The following MOCS1 variants were observed in gnomAD, a reference collection of about 807,000 sequenced individuals.
The protein encoded by MOCS1 is molybdenum cofactor biosynthesis protein 1.
A neutral mutation model predicts 57.6 loss-of-function variants in MOCS1; 39 were observed. That is an observed-to-expected ratio of 0.68 (90% CI 0.52 to 0.88). The LOEUF is 0.88. Among genes scored for constraint, MOCS1 ranks in the 40% least tolerant of loss-of-function variants. The pLI is 0.00. For synonymous variants in MOCS1, 334 were observed against 335.7 expected, an observed-to-expected ratio of 1.00 and a Z score of 0.05; for missense variants, 795 against 831.1, an observed-to-expected ratio of 0.96 and a Z score of 0.53.
chr6:39,931,399 T>C (rs1163589120), intron 1 of MOCS1, among the ~76,000 whole-genome samples: 1 of 149,960 alleles, frequency 6.7e-6, no homozygotes, highest in East Asian at 2.0e-4. Flanking sequence ...CTAAGTATCG[T>C]GGCCCTGATT....
In MOCS1 at chr6:39,906,365, G is replaced by A. The variant is rs765994374; in HGVS notation, c.1903C>T (p.Arg635Trp). The A allele has an allele frequency of 8.3e-5, 133 of 1,595,792 alleles. No homozygotes were observed. In the South Asian group the frequency reaches 1.1e-3, roughly 13 times the overall value. ...GGTGAGAAGGGCAGGTGCTAAGCCC[G>A]ATGGAAGTCCCCCCGCTGACCACCA... ...KTGGQRGDFH[R>W]A The change falls in exon 11 of 11, where the codon CGG becomes TGG. Residue 635 changes from arginine (R) to tryptophan (W), a missense_variant. Physicochemically the swap from Arg to Trp is moderately radical, Grantham distance 101 (BLOSUM62 -3). Coordinates refer to ENST00000340692, the MANE Select transcript of MOCS1 (RefSeq NM_001358530.2).
intron 8 of MOCS1, 139 bp from the exon 9 acceptor site, chr6:39,910,094 G>A: frequency 7.7e-7 from 1 of 1,299,146 alleles, no homozygotes. Flanking sequence ...GCCCCTAGCA[G>A]TGAGAGACAG....
intron 6 of MOCS1, 103 bp downstream of exon 6, chr6:39,913,214 C>T: frequency 9.6e-7 from 1 of 1,043,850 alleles, no homozygotes; most frequent in Non-Finnish European, 1.5e-6. Context: ...TAATCCTAGA[C>T]TCACTGCCCC....
At chr6:39,918,196 T>G (rs1208007668) in intron 3 of MOCS1, among the ~76,000 whole-genome samples, 6 of 152,222 alleles carry the variant, frequency 3.9e-5, no homozygotes, top group Admixed American at 3.9e-4. Context: ...GACTACACCC[T>G]TCCAGCCACC....
At chr6:39,912,460 C>T in intron 7 of MOCS1, 86 bp from the exon 8 acceptor site, 1 of 955,052 alleles carries the variant, frequency 1.0e-6, no homozygotes, top group Non-Finnish European at 1.7e-6. Flanking sequence ...TCAGAACCTC[C>T]ACTCCTCAAC....
In MOCS1 at chr6:39,907,119, T is replaced by C. The variant is rs2149396813; in HGVS notation, c.1151-2A>G. 3 of 1,608,092 alleles carry C rather than the reference T, an allele frequency of 1.9e-6. No homozygotes were observed. The highest frequency in any genetic ancestry group is 2.5e-6 in the Non-Finnish European group (3 of 1,177,976). ...AATTGGGGAACATCAAAAATAACTC[T>C]GCAAGGCAAGAAGAAAAGAGAAGAA... On this transcript the variant is annotated splice_acceptor_variant, in intron 10 of 10. Transcript: ENST00000340692. LOFTEE classifies it high-confidence loss of function.
intron 2 of MOCS1, 91 bp downstream of exon 2, chr6:39,927,238 G>A: frequency 6.7e-7 from 1 of 1,503,596 alleles, no homozygotes; most frequent in Non-Finnish European, 9.2e-7. Context: ...AGAACTGGAG[G>A]ACACAGGAGG....
Position 39,913,333 on chromosome 6 carries a change from C to T in MOCS1, c.741G>A (p.Glu247=). The T allele has an allele frequency of 6.2e-7, 1 of 1,614,178 alleles. No individual in the cohort carries two copies. The highest frequency in any genetic ancestry group is 8.5e-7 in the Non-Finnish European group (1 of 1,180,000). The stretch of plus-strand genomic sequence containing the variant: ...GTCACTGACCATCAAAGGGCATATA[C>T]TCTATGAAGCGCACATCCAGGGGGA... ...EGLPLDVRFI[E]YMPFDGNKWN... The change falls in exon 6 of 11, where the codon GAG becomes GAA. Residue 247 remains glutamate (E), a synonymous_variant. Coordinates refer to ENST00000340692, the MANE Select transcript of MOCS1 (RefSeq NM_001358530.2).
At chr6:39,914,017 G>A (rs575884422) in intron 4 of MOCS1, among the ~76,000 whole-genome samples, 182 bp from the exon 5 acceptor site, 42 of 152,356 alleles carry the variant, frequency 2.8e-4, no homozygotes, top group Non-Finnish European at 1.5e-5. Flanking sequence ...GTAAGTACAT[G>A]TCACAAAGTG....
rs766581554 is a variant in MOCS1 at position 39,934,408 on chromosome 6, G to A, written c.10C>T (p.Arg4Trp). The A allele has an allele frequency of 7.7e-6, 12 of 1,566,078 alleles. No homozygotes were observed. The highest frequency in any genetic ancestry group is 3.5e-5 in the South Asian group (3 of 86,016). ...CGCCGCAGCATCCGGGACAGTGGCCGCGCCGCCATGAAGCCTGATACGAGC... is the reference window on the plus strand; with the variant it reads ...CGCCGCAGCATCCGGGACAGTGGCCACGCCGCCATGAAGCCTGATACGAGC... MAARPLSRMLRRLL... is the reference protein window; with the variant it reads MAAWPLSRMLRRLL... The change falls in exon 1 of 11, where the codon CGG becomes TGG. Residue 4 changes from arginine to tryptophan, a missense_variant. Arg to Trp is a moderately radical substitution (Grantham distance 101). Coordinates refer to ENST00000340692, the MANE Select transcript of MOCS1 (RefSeq NM_001358530.2).
At chr6:39,921,346 C>T (rs1767958033) in intron 3 of MOCS1, among the ~76,000 whole-genome samples, 1 of 151,670 alleles carries the variant, frequency 6.6e-6, no homozygotes, top group South Asian at 2.1e-4. Context: ...TTGCAGTCAG[C>T]TCAGATCGCA....
At chr6:39,913,207 T>A in intron 6 of MOCS1, 110 bp downstream of exon 6, 1 of 1,011,242 alleles carries the variant, frequency 9.9e-7, no homozygotes, top group Non-Finnish European at 1.6e-6. Flanking sequence ...CCCATCATAA[T>A]CCTAGACTCA....
At chr6:39,917,011 C>T (rs773968178) in intron 3 of MOCS1, among the ~76,000 whole-genome samples, 17 of 152,168 alleles carry the variant, frequency 1.1e-4, no homozygotes, top group African/African-American at 4.1e-4. Flanking sequence ...ACAGGTTGGC[C>T]TCATCCTTCC....
rs534018361 is a variant in MOCS1, at chr6:39,930,735, G to A, written c.124-3280C>T. 6.4e-4 allele frequency among the ~76,000 whole-genome samples: 98 copies of A among 152,290 alleles called. 1 individual carries two copies. Among genetic ancestry groups the A allele is most frequent in the Middle Eastern group, 3.4e-3 (1 of 294 alleles). On this transcript the variant is annotated intron_variant, in intron 1 of 10. Coordinates refer to ENST00000340692, the MANE Select transcript of MOCS1 (RefSeq NM_001358530.2). ...GCCAGGGCTGAGAACCATCGGCCTA[G>A]TGACACCAAGTGCCAGGTGCTATTT...
intron 9 of MOCS1, 99 bp downstream of exon 9, chr6:39,909,736 T>C: frequency 6.5e-7 from 1 of 1,535,184 alleles, no homozygotes; most frequent in Non-Finnish European, 8.9e-7. Context: ...AGCTTCCCCC[T>C]AGGTGTTCCT....
intron 1 of MOCS1, 94 bp from the exon 2 acceptor site, chr6:39,927,549 A>T: frequency 6.2e-7 from 1 of 1,611,144 alleles, no homozygotes. Flanking sequence ...TTACTCTGAC[A>T]TCTGTGCGGA....
At chr6:39,931,637 G>A (rs985304648) in intron 1 of MOCS1, among the ~76,000 whole-genome samples, 7 of 151,684 alleles carry the variant, frequency 4.6e-5, no homozygotes, top group Non-Finnish European at 1.0e-4. Context: ...ATGACCTCCT[G>A]AAAGCCCTCT....
In MOCS1 at chr6:39,910,048, G is replaced by A. The variant is rs568869693; in HGVS notation, c.982-93C>T. ...TAACTCCTTCCCTGGTTCTCCCTCC[G>A]GGAGGAGCACCAGGGCCCAGGCCTC... On this transcript the variant is annotated intron_variant, in intron 8 of 10. Transcript: ENST00000340692. The A allele has an allele frequency of 6.3e-5, 99 of 1,583,046 alleles. No homozygotes were observed. In the South Asian group the frequency reaches 7.9e-4, roughly 13 times the overall value.
intron 3 of MOCS1, among the ~76,000 whole-genome samples, chr6:39,920,812 C>T (rs2149412644): frequency 2.6e-5 from 4 of 151,290 alleles, no homozygotes; most frequent in Admixed American, 2.6e-4. Context: ...AACACTGTCT[C>T]TACAAAAAAT....
Sources: gnomAD v4.1 joint callset for allele counts (sites outside exome capture counted in the v4.1 genomes callset) on GRCh38, gnomAD v4.1.1 for gene constraint, MANE v1.5 for transcripts, NCBI Gene and HGNC (gene_info 2026-07-23, HGNC 2026-07-21) for gene names.